ZRANB3: variants seen among roughly 807,000 people sequenced by gnomAD.
The protein encoded by ZRANB3 is DNA annealing helicase and endonuclease ZRANB3.
ZRANB3 carries 125 observed loss-of-function variants against 133.8 expected under a neutral mutation model. That is an observed-to-expected ratio of 0.93 (90% CI 0.81 to 1.08). The LOEUF is 1.08. Ranked by LOEUF, ZRANB3 falls within the 50% of genes least tolerant of loss-of-function variation. The pLI is 0.00. For synonymous variants in ZRANB3, 387 were observed against 432.7 expected (o/e 0.89, Z 1.31); for missense variants, 1,229 against 1,275.5 (o/e 0.96, Z 0.56).
intron 12 of ZRANB3, among the ~76,000 whole-genome samples, chr2:135,251,166 C>T (rs1558863217): frequency 1.3e-5 from 2 of 152,198 alleles, no homozygotes; most frequent in African/African-American, 2.4e-5. Context: ...CTGCCTCACT[C>T]GATTTCAGAC....
chr2:135,219,683 T>C (rs946851793), intron 15 of ZRANB3, among the ~76,000 whole-genome samples: 12 of 152,202 alleles, frequency 7.9e-5, no homozygotes, highest in African/African-American at 2.7e-4. Context: ...TGCCTGTCCA[T>C]TGTTACAGGA....
chr2:135,317,949 T>A lies in ZRANB3; in HGVS notation c.678-2419A>T, dbSNP rs532421290. On this transcript the variant is annotated intron_variant, in intron 6 of 20. Coordinates refer to ENST00000264159, the MANE Select transcript of ZRANB3 (RefSeq NM_032143.4). ...CACATTTGCCAAAACCCCAGCCTCA[T>A]GTTTGGGGTGCAAAGGGGAAATAAG... 3.9e-5 allele frequency among the ~76,000 whole-genome samples: 6 copies of A among 152,078 alleles called. No homozygotes were observed. In the East Asian group the frequency reaches 1.2e-3, roughly 29 times the overall value.
intron 2 of ZRANB3, among the ~76,000 whole-genome samples, chr2:135,405,677 C>T (rs1034809382): frequency 1.3e-5 from 2 of 152,118 alleles, no homozygotes; most frequent in Non-Finnish European, 2.9e-5. Context: ...CACTCAAATC[C>T]GCTCAACTAC....
intron 2 of ZRANB3, among the ~76,000 whole-genome samples, chr2:135,396,756 G>A (rs920572048): frequency 1.3e-5 from 2 of 151,822 alleles, no homozygotes; most frequent in Admixed American, 1.3e-4. Context: ...ATAGCACAAC[G>A]GGGTGACTAT....
intron 2 of ZRANB3, among the ~76,000 whole-genome samples, chr2:135,398,346 G>C (rs1471889289): frequency 6.6e-6 from 1 of 151,756 alleles, no homozygotes; most frequent in Non-Finnish European, 1.5e-5. Context: ...GATTACAGGT[G>C]TGAGTCACTG....
rs143800356 is a variant in ZRANB3 at position 135,345,511 on chromosome 2, CAT to C, written c.677+37_677+38del. On this transcript the variant is annotated intron_variant, in intron 6 of 20. Transcript: ENST00000264159. ...TTAATAAAGCAATGTTCACAGTAAACATGTGAGGAAAAAATTTACGGAAAATA... is the reference window on the plus strand; with the variant it reads ...TTAATAAAGCAATGTTCACAGTAAACGTGAGGAAAAAATTTACGGAAAATA... 2.1e-3 allele frequency: 2,850 copies of C among 1,373,262 alleles called. 51 individuals are homozygous for C. In the African/African-American group the frequency reaches 0.036, roughly 17 times the overall value. The allele number at this position is 1,373,262 out of a possible 1,614,324, so 85.1% of individuals were successfully genotyped here.
chr2:135,378,772 C>A (rs973567624), intron 3 of ZRANB3, among the ~76,000 whole-genome samples: 1 of 152,130 alleles, frequency 6.6e-6, no homozygotes, highest in Admixed American at 6.6e-5. Context: ...CCAAGTATAA[C>A]CACAAGGAAA....
chr2:135,441,111 C>G (rs1689759690), intron 2 of ZRANB3, among the ~76,000 whole-genome samples: 1 of 152,110 alleles, frequency 6.6e-6, no homozygotes, highest in South Asian at 2.1e-4. Context: ...AACATTTACT[C>G]TCAGACCCAA....
intron 1 of ZRANB3, among the ~76,000 whole-genome samples, chr2:135,509,208 A>G (rs988239307): frequency 2.0e-5 from 3 of 152,172 alleles, no homozygotes; most frequent in African/African-American, 7.2e-5. Context: ...AGCAAAGTCC[A>G]TTATTAAAGT....
At chr2:135,292,731 T>C (rs986181943) in intron 8 of ZRANB3, among the ~76,000 whole-genome samples, 3 of 152,254 alleles carry the variant, frequency 2.0e-5, no homozygotes, top group African/African-American at 7.2e-5. Flanking sequence ...GTTTTAGGTC[T>C]AACATTTAAG....
chr2:135,313,845 G>A (rs945663362), intron 7 of ZRANB3, among the ~76,000 whole-genome samples: 1 of 152,110 alleles, frequency 6.6e-6, no homozygotes, highest in Admixed American at 6.6e-5. Flanking sequence ...TTTGCTAACA[G>A]CATAAATCAA....
intron 12 of ZRANB3, among the ~76,000 whole-genome samples, chr2:135,237,077 C>T (rs1695321370): frequency 6.6e-6 from 1 of 152,148 alleles, no homozygotes; most frequent in Non-Finnish European, 1.5e-5. Context: ...CTACAATTAA[C>T]TCAAACAAAT....
chr2:135,510,346 A>G (rs1263868438), intron 1 of ZRANB3, among the ~76,000 whole-genome samples: 1 of 152,176 alleles, frequency 6.6e-6, no homozygotes, highest in African/African-American at 2.4e-5. Flanking sequence ...CAAAATTGGA[A>G]GTGAAAGACT....
intron 12 of ZRANB3, among the ~76,000 whole-genome samples, chr2:135,258,926 T>C (rs933807661): frequency 3.9e-5 from 6 of 152,234 alleles, no homozygotes; most frequent in African/African-American, 1.2e-4. Flanking sequence ...ATTTTTTGTA[T>C]ATACGAGACA....
chr2:135,390,824 G>GAAAAAAAAAAA lies in ZRANB3; in HGVS notation c.162-15_162-5dup, dbSNP rs201179629. ...TACTTCATCAGCCACCATACACCTG[G>GAAAAAAAAAAA]AAAAAAAAAAAAAAAAAAATTAATT... On this transcript the variant is annotated splice_polypyrimidine_tract_variant and splice_region_variant and intron_variant, in intron 2 of 20. Transcript: ENST00000264159. The GAAAAAAAAAAA allele has an allele frequency of 9.0e-7, 1 of 1,113,266 alleles. No homozygotes were observed. The allele number at this position is 1,113,266 out of a possible 1,614,324, so 69.0% of individuals were successfully genotyped here.
In ZRANB3 at chr2:135,413,407, A is replaced by T. The variant is rs75701088; in HGVS notation, c.162-22587T>A. On this transcript the variant is annotated intron_variant, in intron 2 of 20. Transcript: ENST00000264159. ...AAAACCAGGTTTTAAGGCCAATCAC[A>T]TTTCCTTCAGTTTATAATGGCTACA... Among the ~76,000 whole-genome samples, 454 of 152,292 alleles carry T rather than the reference A, an allele frequency of 3.0e-3. 2 individuals carry two copies. The highest frequency in any genetic ancestry group is 0.01 in the African/African-American group (430 of 41,582).
intron 11 of ZRANB3, among the ~76,000 whole-genome samples, chr2:135,266,863 C>T (rs1254977420): frequency 6.6e-6 from 1 of 152,166 alleles, no homozygotes; most frequent in Non-Finnish European, 1.5e-5. Context: ...GAACCTTGGT[C>T]TCCACAACTC....
At chr2:135,257,577 A>G (rs1238825975) in intron 12 of ZRANB3, among the ~76,000 whole-genome samples, 3 of 152,168 alleles carry the variant, frequency 2.0e-5, no homozygotes, top group African/African-American at 7.2e-5. Context: ...ATTTCTCTAC[A>G]TCATTGCCAA....
chr2:135,213,504 G>T (rs1694184550), intron 17 of ZRANB3, among the ~76,000 whole-genome samples: 2 of 152,150 alleles, frequency 1.3e-5, no homozygotes, highest in African/African-American at 4.8e-5. Flanking sequence ...CCTGCTGCAG[G>T]TACAGAGGTT....
Sources: allele counts gnomAD v4.1 joint callset (sites outside exome capture counted in the v4.1 genomes callset), GRCh38; gene constraint gnomAD v4.1.1; transcripts MANE v1.5; gene names NCBI Gene and HGNC (gene_info 2026-07-23, HGNC 2026-07-21).